The following TNS1 variants were observed in gnomAD, a reference collection of about 807,000 sequenced individuals.
TNS1 encodes the protein tensin-1.
A neutral mutation model predicts 168.6 loss-of-function variants in TNS1; 62 were observed. The ratio of observed to expected loss-of-function variants is 0.37; its 90% CI spans 0.30 to 0.45. The LOEUF is 0.45. TNS1 is among the 20% of genes least tolerant of loss of function. TNS1 has a pLI of 1.00. For missense variants in TNS1, 2,240 were observed against 2,339.4 expected, an observed-to-expected ratio of 0.96 and a Z score of 0.88; for synonymous variants, 934 against 933.2, an observed-to-expected ratio of 1.00 and a Z score of -0.02.
Position 217,880,145 on chromosome 2 carries a change from A to C in TNS1, c.1429+753T>G, listed in dbSNP as rs1950554553. Among the ~76,000 whole-genome samples the C allele has an allele frequency of 6.6e-6, 1 of 152,226 alleles. No homozygotes were observed. The highest frequency in any genetic ancestry group is 2.1e-4 in the South Asian group (1 of 4,830). On this transcript the variant is annotated intron_variant, in intron 18 of 32. Transcript: ENST00000682258. The surrounding 1 kb of genome is among the most constrained non-coding windows in gnomAD (Gnocchi z 4.2). ...TCTCAAGAGTTCCTGGGCTCTGGGCATGCTCACTTTCGGAGCCCGCCCCAC... is the reference window on the plus strand; with the variant it reads ...TCTCAAGAGTTCCTGGGCTCTGGGCCTGCTCACTTTCGGAGCCCGCCCCAC...
chr2:217,809,556 G>GGTGC lies in TNS1; in HGVS notation c.5273+266_5273+267insGCAC, dbSNP rs1159435842. The stretch of plus-strand genomic sequence containing the variant: ...GGATGGATGCATGGATGGATGGATG[G>GGTGC]ATGGATGGATGGATGGATGGATAGG... On this transcript the variant is annotated intron_variant, in intron 30 of 32. Coordinates refer to ENST00000682258, the MANE Select transcript of TNS1 (RefSeq NM_001387777.1). Among the ~76,000 whole-genome samples the GGTGC allele has an allele frequency of 3.0e-5, 2 of 66,964 alleles. 1 individual carries two copies. Among genetic ancestry groups the GGTGC allele is most frequent in the African/African-American group, 1.6e-4 (2 of 12,666 alleles). 43.9% of individuals were successfully genotyped at this position (66,964 alleles called of 152,430 possible). A position where few individuals can be genotyped will look rare whatever the true frequency, so the allele number is the denominator to read the frequency against.
chr2:217,947,878 C>G (rs1284530813), intron 3 of TNS1, among the ~76,000 whole-genome samples: 3 of 152,168 alleles, frequency 2.0e-5, no homozygotes, highest in African/African-American at 7.2e-5. Flanking sequence ...GCTCCTGCCC[C>G]GCGCCAAGCT....
rs1947061264 is a variant in TNS1 at position 217,848,794 on chromosome 2, C to G, written c.1723G>C (p.Glu575Gln). 1.2e-6 allele frequency: 2 copies of G among 1,614,030 alleles called. No homozygotes were observed. The highest frequency in any genetic ancestry group is 3.3e-5 in the Admixed American group (2 of 60,006). ...LDRLLSGFGL[E>Q]REKQGAMYHT... ...TACATGGCGCCTTGCTTCTCTCGCT[C>G]TAAGCCAAAGCCACTCAGCAGGCGG... The change falls in exon 19 of 33, where the codon GAG (glutamate) becomes CAG (glutamine). Residue 575 changes from glutamate (E) to glutamine (Q), a missense_variant. Physicochemically the swap from Glu to Gln is conservative, Grantham distance 29 (BLOSUM62 2). Around this residue, in one of 2 missense-constraint regions of TNS1, gnomAD observed 2,131 missense variants for 2,171.2 expected, o/e 0.98. Coordinates refer to ENST00000682258, the MANE Select transcript of TNS1 (RefSeq NM_001387777.1).
intron 3 of TNS1, chr2:217,936,860 C>T (rs1177594515): frequency 2.2e-6 from 1 of 445,174 alleles, no homozygotes; most frequent in Non-Finnish European, 4.6e-6. Flanking sequence ...ATTTCATACC[C>T]ACGCTAGCAC....
chr2:217,881,182 C>A (rs1239968385), intron 17 of TNS1, 168 bp from the exon 18 acceptor site: 2 of 596,420 alleles, frequency 3.4e-6, no homozygotes, highest in Non-Finnish European at 6.0e-6. Flanking sequence ...TTAAGCTGGA[C>A]TGAGAACTGG....
Position 217,995,274 on chromosome 2 carries a change from G to A in TNS1, c.34-4218C>T, listed in dbSNP as rs1225266753. 6.6e-6 allele frequency among the ~76,000 whole-genome samples: 1 copy of A among 152,172 alleles called. No homozygotes were observed. The highest frequency in any genetic ancestry group is 1.5e-5 in the Non-Finnish European group (1 of 68,038). On this transcript the variant is annotated intron_variant, in intron 1 of 32. Transcript: ENST00000682258. This position sits in a 1 kb window ranked among gnomAD's most constrained non-coding sequence, Gnocchi z 4.1. ...GTTGAAACAGCTGTCCCATAGGTTT[G>A]ATGTTCCCAGGATGCTAGAGGAGAA... is the stretch of plus-strand genomic sequence containing the variant.
At chr2:217,864,495 G>C (rs1214597325) in intron 18 of TNS1, among the ~76,000 whole-genome samples, 1 of 152,170 alleles carries the variant, frequency 6.6e-6, no homozygotes, top group Non-Finnish European at 1.5e-5. Flanking sequence ...TGCTCTTTCT[G>C]CTTCCCAGAA....
intron 1 of TNS1, among the ~76,000 whole-genome samples, chr2:218,001,738 A>T (rs1211493136): frequency 2.0e-5 from 2 of 100,200 alleles, no homozygotes; most frequent in South Asian, 3.4e-4. Context: ...CCCCTCCCCC[A>T]CCCTTTCTTT....
chr2:217,900,262 G>A (rs529748324), intron 7 of TNS1, among the ~76,000 whole-genome samples: 1 of 152,348 alleles, frequency 6.6e-6, no homozygotes, highest in Admixed American at 6.5e-5. Flanking sequence ...TCAGCTCAAG[G>A]GCTGGCTAAG....
intron 3 of TNS1, among the ~76,000 whole-genome samples, chr2:217,967,915 G>C (rs914444256): frequency 5.3e-5 from 8 of 152,260 alleles, no homozygotes; most frequent in African/African-American, 1.9e-4. Flanking sequence ...TGCTAGCAAA[G>C]TGAATCCAGA....
At chr2:217,846,565 C>T (rs1419828313) in intron 19 of TNS1, among the ~76,000 whole-genome samples, 1 of 152,196 alleles carries the variant, frequency 6.6e-6, no homozygotes, top group Admixed American at 6.5e-5. Flanking sequence ...CACCCAAATC[C>T]ACAGTCTCTG....
At position 217,897,904 on chromosome 2, in the gene TNS1, C is replaced by G. The variant is rs1258111069; in HGVS notation, c.437G>C (p.Arg146Thr). 2 of 1,613,456 alleles carry G rather than the reference C, an allele frequency of 1.2e-6. No homozygotes were observed. Among genetic ancestry groups the G allele is most frequent in the African/African-American group, 2.7e-5 (2 of 74,906 alleles). The change falls in exon 8 of 33, where the codon AGG (arginine) becomes ACG (threonine). Residue 146 changes from arginine to threonine, a missense_variant. Around this residue, in one of 2 missense-constraint regions of TNS1, gnomAD observed 2,131 missense variants for 2,171.2 expected, o/e 0.98. Transcript: ENST00000682258. ...GCTGGGGAAGGAGACAGCGATGATC[C>G]TCTCTGTGACGTACACCAGGTCCAG... Reference protein sequence around the residue: ...CELDLVYVTERIIAVSFPSTA... With the variant: ...CELDLVYVTETIIAVSFPSTA...
chr2:217,854,491 C>T (rs1223504612), intron 18 of TNS1, among the ~76,000 whole-genome samples: 1 of 152,214 alleles, frequency 6.6e-6, no homozygotes, highest in Non-Finnish European at 1.5e-5. Flanking sequence ...AAATGCATTA[C>T]CCAGAGCCGT....
At chr2:217,908,024 A>C (rs1953915987) in intron 4 of TNS1, among the ~76,000 whole-genome samples, 1 of 152,162 alleles carries the variant, frequency 6.6e-6, no homozygotes, top group Non-Finnish European at 1.5e-5. Context: ...TTAGTGTATG[A>C]ATAATCTCAT....
At chr2:217,879,865 T>C (rs1396947452) in intron 18 of TNS1, among the ~76,000 whole-genome samples, 4 of 152,164 alleles carry the variant, frequency 2.6e-5, no homozygotes, top group South Asian at 2.1e-4. Flanking sequence ...GGCCCCAGGA[T>C]GGCACAGCCC....
At chr2:218,010,199 G>A in exon 1 of TNS1, 1 of 399,052 alleles carries the variant, frequency 2.5e-6, no homozygotes, top group Non-Finnish European at 4.4e-6. Flanking sequence ...GAGTCATGCT[G>A]ACCCCGAGAG....
chr2:218,001,708 C>A, intron 1 of TNS1, among the ~76,000 whole-genome samples: 1 of 152,128 alleles, frequency 6.6e-6, no homozygotes, highest in East Asian at 1.9e-4. Flanking sequence ...ACATGCCACC[C>A]AAACCGCCTC....
intron 3 of TNS1, among the ~76,000 whole-genome samples, chr2:217,922,837 C>T (rs1445375443): frequency 6.6e-6 from 1 of 152,268 alleles, no homozygotes; most frequent in Non-Finnish European, 1.5e-5. Context: ...CTGCCACCCC[C>T]GACGGCGTCC....
In TNS1 at chr2:217,804,256, TTCTCTCTCTCTCTC is replaced by T. The variant is rs71403015; in HGVS notation, c.*189_*202del. 5.3e-5 allele frequency: 22 copies of T among 416,946 alleles called. No homozygotes were observed. In the South Asian group the frequency reaches 5.7e-4, roughly 11 times the overall value. The allele number at this position is 416,946 out of a possible 1,614,324, so 25.8% of individuals were successfully genotyped here. ...GAATCCAAGTTCTTCTCCTCCATCTTTCTCTCTCTCTCTCTCTCTCTCTCTCTCTCTCTTTTCCC... is the reference window on the plus strand; with the variant it reads ...GAATCCAAGTTCTTCTCCTCCATCTTTCTCTCTCTCTCTCTCTCTTTTCCC... On this transcript the variant is annotated 3_prime_UTR_variant, in exon 33 of 33. Transcript: ENST00000682258.
Sources: gnomAD v4.1 joint callset for allele counts (sites outside exome capture counted in the v4.1 genomes callset) on GRCh38, gnomAD v4.1.1 for gene constraint, gnomAD v4.1.1 regional missense constraint, Gnocchi (gnomAD v3.1) non-coding constraint, MANE v1.5 for transcripts, NCBI Gene and HGNC (gene_info 2026-07-23, HGNC 2026-07-21) for gene names.